Variants in FAM107A observed in about 807,000 individuals in gnomAD.
The protein encoded by FAM107A is actin-associated protein FAM107A.
FAM107A carries 19 observed loss-of-function variants against 13.7 expected under a neutral mutation model. The ratio of observed to expected loss-of-function variants is 1.38; its 90% CI spans 0.97 to 2.03. The LOEUF is 2.03. Ranked by LOEUF, FAM107A falls within the 30% of genes most tolerant of loss-of-function variation. The probability of loss-of-function intolerance (pLI) is 0.00; values close to 1 mark genes in which losing one functional copy is unlikely to be tolerated. For missense variants in FAM107A, 203 were observed against 184.4 expected, an observed-to-expected ratio of 1.10 and a Z score of -0.58; for synonymous variants, 82 against 74.5, an observed-to-expected ratio of 1.10 and a Z score of -0.52.
intron 1 of FAM107A, chr3:58,586,778 T>A: frequency 7.4e-7 from 1 of 1,354,466 alleles, no homozygotes; most frequent in Non-Finnish European, 9.6e-7. Context: ...AGCGGCGGAC[T>A]GGCCAGGGAC....
At chr3:58,567,930 A>T (rs1346489287) in intron 2 of FAM107A, among the ~76,000 whole-genome samples, 5 of 152,088 alleles carry the variant, frequency 3.3e-5, no homozygotes, top group Non-Finnish European at 7.3e-5. Flanking sequence ...TTTGTGAATT[A>T]ACTGTATTAT....
At chr3:58,573,256 G>C (rs1008596830) in intron 1 of FAM107A, among the ~76,000 whole-genome samples, 3 of 152,210 alleles carry the variant, frequency 2.0e-5, no homozygotes, top group Non-Finnish European at 4.4e-5. Flanking sequence ...ATGAGGGGTG[G>C]GGTGAGGAGG....
chr3:58,588,967 C>T (rs530654995), upstream of FAM107A, among the ~76,000 whole-genome samples: 19 of 152,236 alleles, frequency 1.2e-4, no homozygotes, highest in African/African-American at 4.6e-4. Flanking sequence ...ATGGTTATGC[C>T]CCTTTTACAG....
At chr3:58,589,349 T>A, upstream of FAM107A, 1 of 950,976 alleles carries the variant, frequency 1.1e-6, no homozygotes, top group Non-Finnish European at 1.6e-6. Context: ...TCACAATGTA[T>A]CTGAGTCTTT....
intron 1 of FAM107A, among the ~76,000 whole-genome samples, chr3:58,621,775 G>T (rs1016677267): frequency 6.6e-6 from 1 of 152,172 alleles, no homozygotes; most frequent in African/African-American, 2.4e-5. Flanking sequence ...TCTGCATAAC[G>T]GGGGTTGCAG....
chr3:58,579,458 C>A (rs1291973883), upstream of FAM107A, among the ~76,000 whole-genome samples: 1 of 152,144 alleles, frequency 6.6e-6, no homozygotes. Context: ...TCTTGAGGCA[C>A]TATGAATGGT....
chr3:58,576,734 C>A (rs1397002174), intron 1 of FAM107A, among the ~76,000 whole-genome samples: 1 of 152,212 alleles, frequency 6.6e-6, no homozygotes, highest in Non-Finnish European at 1.5e-5. Flanking sequence ...AACCTGCGTG[C>A]ACTATGTGCC....
rs2108033032 is a variant in FAM107A at position 58,565,975 on chromosome 3, C to CGTGG, written c.*612_*613insCCAC. ...AGAAGGCCTGGACGGGGAGGCTGTG[C>CGTGG]GGAGGGGATGATGAAAGCATGGGTG... On this transcript the variant is annotated 3_prime_UTR_variant, in exon 4 of 4. Coordinates refer to ENST00000360997, the MANE Select transcript of FAM107A (RefSeq NM_001076778.3). 6.6e-6 allele frequency: 1 copy of CGTGG among 152,238 alleles called. No homozygotes were observed. Among genetic ancestry groups the CGTGG allele is most frequent in the African/African-American group, 2.4e-5 (1 of 41,494 alleles). 9.4% of individuals were successfully genotyped at this position (152,238 alleles called of 1,614,324 possible). A position where few individuals can be genotyped will look rare whatever the true frequency, so the allele number is the denominator to read the frequency against.
Position 58,564,530 on chromosome 3 carries a change from G to A in FAM107A, c.*2058C>T, listed in dbSNP as rs1005995875. ...GTGAACCAAGGTCGTCTGCACGGCT[G>A]CCCTGGAGGGCGTGGTGCTTGAGGT... On this transcript the variant is annotated 3_prime_UTR_variant, in exon 4 of 4. Transcript: ENST00000360997. This position sits in a 1 kb window ranked among gnomAD's most constrained non-coding sequence, Gnocchi z 5.6. The A allele has an allele frequency of 1.3e-5, 2 of 152,254 alleles. No homozygotes were observed. Among genetic ancestry groups the A allele is most frequent in the African/African-American group, 4.8e-5 (2 of 41,470 alleles). The allele number at this position is 152,254 out of a possible 1,614,324, so 9.4% of individuals were successfully genotyped here.
chr3:58,617,693 C>T lies in FAM107A; in HGVS notation c.-70+9723G>A, dbSNP rs2065916394. ...TTTTGATTTGGCCCCTCTTGCACCACCTCCAAACCCTTTCAAGATAGAAAT... is the reference window on the plus strand; with the variant it reads ...TTTTGATTTGGCCCCTCTTGCACCATCTCCAAACCCTTTCAAGATAGAAAT... On this transcript the variant is annotated intron_variant, in intron 1 of 3. Coordinates refer to the FAM107A transcript ENST00000465970. This position sits in a 1 kb window ranked among gnomAD's most constrained non-coding sequence, Gnocchi z 4.5. 6.6e-6 allele frequency among the ~76,000 whole-genome samples: 1 copy of T among 152,150 alleles called. No individual in the cohort carries two copies. Among genetic ancestry groups the T allele is most frequent in the African/African-American group, 2.4e-5 (1 of 41,428 alleles).
upstream of FAM107A, among the ~76,000 whole-genome samples, chr3:58,581,422 A>C (rs2065541020): frequency 1.3e-5 from 2 of 152,208 alleles, no homozygotes; most frequent in Non-Finnish European, 2.9e-5. Flanking sequence ...CCTTTCTCCA[A>C]GCCCATGGGC....
Position 58,569,111 on chromosome 3 carries a change from A to G in FAM107A, c.170+580T>C, listed in dbSNP as rs2063654460. ...TGCCCTGGCCTGCACCACGCAATCG[A>G]TGCCCCAGGCACAGTGAGTGACTCC... On this transcript the variant is annotated intron_variant, in intron 2 of 3. Transcript: ENST00000360997. The surrounding 1 kb of genome is among the most constrained non-coding windows in gnomAD (Gnocchi z 5.7). Among the ~76,000 whole-genome samples the G allele has an allele frequency of 6.6e-6, 1 of 152,052 alleles. No individual in the cohort carries two copies. Among genetic ancestry groups the G allele is most frequent in the Admixed American group, 6.5e-5 (1 of 15,274 alleles).
upstream of FAM107A, among the ~76,000 whole-genome samples, chr3:58,578,609 TAAA>T (rs1423313813): frequency 6.6e-6 from 1 of 151,968 alleles, no homozygotes; most frequent in Non-Finnish European, 1.5e-5. Context: ...CCAAGAAAAG[TAAA>T]AAATGTATGT....
chr3:58,581,638 C>T (rs1004219221), upstream of FAM107A, among the ~76,000 whole-genome samples: 10 of 152,232 alleles, frequency 6.6e-5, no homozygotes, highest in East Asian at 1.9e-3. Flanking sequence ...AGAAAGGACT[C>T]GGGGGTTGGG....
chr3:58,575,616 G>A (rs759148971), intron 1 of FAM107A, among the ~76,000 whole-genome samples: 3 of 152,224 alleles, frequency 2.0e-5, no homozygotes, highest in Non-Finnish European at 4.4e-5. Context: ...GGTGCAAAAT[G>A]TCTTTTAGTT....
chr3:58,578,733 C>G (rs970396697), upstream of FAM107A, among the ~76,000 whole-genome samples: 1 of 152,170 alleles, frequency 6.6e-6, no homozygotes, highest in Non-Finnish European at 1.5e-5. Context: ...TAGTGTCATC[C>G]TAGTTCCCCA....
rs1457250226 is a variant in FAM107A, at chr3:58,617,498, A to G, written c.-70+9918T>C. Among the ~76,000 whole-genome samples, 1 of 151,994 alleles carries G rather than the reference A, an allele frequency of 6.6e-6. No individual in the cohort carries two copies. Among genetic ancestry groups the G allele is most frequent in the African/African-American group, 2.4e-5 (1 of 41,386 alleles). ...CATCTTAGATTTTAGATGAAAAAGA[A>G]AGTTCCAGCTCCTCGCCTTTCTCTC... On this transcript the variant is annotated intron_variant, in intron 1 of 3. Transcript: ENST00000465970. The surrounding 1 kb of genome is among the most constrained non-coding windows in gnomAD (Gnocchi z 4.5).
chr3:58,587,151 G>A (rs2108062535), upstream of FAM107A: 1 of 1,342,242 alleles, frequency 7.5e-7, no homozygotes, highest in South Asian at 1.8e-5. Flanking sequence ...TCCGCGCCCA[G>A]GTAGCAGGCA....
exon 1 of FAM107A, chr3:58,586,893 G>T (rs931666302): frequency 3.3e-6 from 5 of 1,533,064 alleles, no homozygotes; most frequent in Non-Finnish European, 4.4e-6. Flanking sequence ...GAGCCCGGTG[G>T]CATCGGAGGG....
Sources: allele counts gnomAD v4.1 joint callset (sites outside exome capture counted in the v4.1 genomes callset), GRCh38; gene constraint gnomAD v4.1.1; non-coding constraint Gnocchi (gnomAD v3.1); transcripts MANE v1.5; gene names NCBI Gene and HGNC (gene_info 2026-07-23, HGNC 2026-07-21).